Variants in TENM3 observed in about 807,000 individuals in gnomAD.
The protein encoded by TENM3 is teneurin-3.
A neutral mutation model predicts 255.1 loss-of-function variants in TENM3; 63 were observed. The observed-to-expected ratio is 0.25, with a 90% CI of 0.20 to 0.30. The LOEUF (loss-of-function observed/expected upper bound fraction) is 0.30, where lower values mean the gene tolerates loss of function less well. TENM3 is among the 10% of genes least tolerant of loss of function. The pLI, the probability that TENM3 is intolerant of heterozygous loss-of-function variation, is 1.00. For synonymous variants in TENM3, 1,306 were observed against 1,322.3 expected (o/e 0.99, Z 0.27); for missense variants, 2,929 against 3,461.1 (o/e 0.85, Z 3.86).
chr4:182,524,034 C>A (rs1738865777), intron 3 of TENM3, among the ~76,000 whole-genome samples: 1 of 152,112 alleles, frequency 6.6e-6, no homozygotes, highest in South Asian at 2.1e-4. Flanking sequence ...ACATTTCATG[C>A]AGTCCCTTTC....
chr4:182,602,989 C>G (rs978960761), intron 4 of TENM3, among the ~76,000 whole-genome samples: 3 of 152,094 alleles, frequency 2.0e-5, no homozygotes, highest in African/African-American at 7.2e-5. Context: ...ACACAAAAGC[C>G]TCAAAAACTG....
At chr4:181,620,681 A>G in the TENM3 span, among the ~76,000 whole-genome samples, 2 of 151,820 alleles carry the variant, frequency 1.3e-5, no homozygotes, top group Non-Finnish European at 2.9e-5. Flanking sequence ...AAAAAAAGAA[A>G]AAGAGGAGGA....
At chr4:182,487,372 A>G (rs905101071) in intron 3 of TENM3, among the ~76,000 whole-genome samples, 2 of 152,234 alleles carry the variant, frequency 1.3e-5, no homozygotes, top group African/African-American at 4.8e-5. Flanking sequence ...GTATTTAACT[A>G]TCGCATATCA....
the TENM3 span, among the ~76,000 whole-genome samples, chr4:181,907,590 G>A: frequency 1.3e-5 from 2 of 152,062 alleles, no homozygotes; most frequent in African/African-American, 4.8e-5. Flanking sequence ...ACGTGGAGAA[G>A]GGAAGAGGGA....
chr4:181,504,580 A>C, the TENM3 span, among the ~76,000 whole-genome samples: 1 of 152,088 alleles, frequency 6.6e-6, no homozygotes, highest in Non-Finnish European at 1.5e-5. Context: ...TCCCTTCTCA[A>C]GACCCAGAAT....
the TENM3 span, among the ~76,000 whole-genome samples, chr4:181,773,314 C>A: frequency 6.6e-6 from 1 of 152,144 alleles, no homozygotes; most frequent in Non-Finnish European, 1.5e-5. Context: ...CGGTCAATAG[C>A]AGCACGAAAG....
At chr4:182,383,853 C>G (rs1767730239) in intron 3 of TENM3, among the ~76,000 whole-genome samples, 1 of 152,168 alleles carries the variant, frequency 6.6e-6, no homozygotes, top group Non-Finnish European at 1.5e-5. Context: ...TAAGGCTGCA[C>G]ACTTACAACC....
At chr4:182,399,299 T>TC (rs1289420400) in intron 3 of TENM3, among the ~76,000 whole-genome samples, 40 of 151,726 alleles carry the variant, frequency 2.6e-4, no homozygotes, top group Admixed American at 7.2e-4. Context: ...CTTTTTTTTT[T>TC]CATCTTTAAA....
chr4:182,440,491 T>C (rs1028941152), intron 3 of TENM3, among the ~76,000 whole-genome samples: 1 of 152,120 alleles, frequency 6.6e-6, no homozygotes, highest in Non-Finnish European at 1.5e-5. Context: ...ATTTGTCTTA[T>C]CATAGAGCTT....
intron 3 of TENM3, among the ~76,000 whole-genome samples, chr4:182,538,884 G>T (rs769310842): frequency 6.6e-6 from 1 of 151,958 alleles, no homozygotes; most frequent in Non-Finnish European, 1.5e-5. Context: ...AGGTTTGGGG[G>T]CTGAGGAAAG....
At chr4:182,365,646 A>T (rs2150817324) in intron 3 of TENM3, among the ~76,000 whole-genome samples, 1 of 152,346 alleles carries the variant, frequency 6.6e-6, no homozygotes, top group Middle Eastern at 3.4e-3. Context: ...AAAGCAGGCG[A>T]TAAATAGCAC....
At chr4:182,776,374 T>A (rs989914900) in intron 24 of TENM3, among the ~76,000 whole-genome samples, 4 of 152,154 alleles carry the variant, frequency 2.6e-5, no homozygotes, top group African/African-American at 9.7e-5. Context: ...ATCGCGCCAC[T>A]ACACTCCAGC....
chr4:181,514,476 T>A, the TENM3 span, among the ~76,000 whole-genome samples: 2 of 152,254 alleles, frequency 1.3e-5, no homozygotes, highest in Non-Finnish European at 2.9e-5. Flanking sequence ...CAGTAGCAGA[T>A]AATTACATTT....
chr4:182,141,533 C>A (rs1451635175), upstream of TENM3: 2 of 152,192 alleles, frequency 1.3e-5, no homozygotes, highest in African/African-American at 4.8e-5. Flanking sequence ...ACGTAAGCTG[C>A]CTGGATTACA....
At chr4:182,528,225 C>A (rs893859287) in intron 3 of TENM3, among the ~76,000 whole-genome samples, 1 of 152,190 alleles carries the variant, frequency 6.6e-6, no homozygotes, top group Non-Finnish European at 1.5e-5. Context: ...TCAAGCAACT[C>A]TCCTGCCTCA....
At chr4:181,689,125 C>T in the TENM3 span, among the ~76,000 whole-genome samples, 3 of 152,188 alleles carry the variant, frequency 2.0e-5, no homozygotes, top group Admixed American at 1.3e-4. Context: ...AGAATGCAGG[C>T]GATGACGCCG....
chr4:182,215,729 TTACTCACACCTGGCACATG>T (rs1490456462), intron 1 of TENM3, among the ~76,000 whole-genome samples: 2 of 152,152 alleles, frequency 1.3e-5, no homozygotes, highest in East Asian at 3.9e-4. Context: ...ACGGGTCTTT[TTACTCACACCTGGCACATG>T]TCAACAGAAT....
intron 4 of TENM3, among the ~76,000 whole-genome samples, chr4:182,626,350 C>A (rs529319653): frequency 1.3e-5 from 2 of 152,240 alleles, no homozygotes; most frequent in African/African-American, 4.8e-5. Flanking sequence ...TCAAATTATA[C>A]TTTTTTGGTC....
chr4:181,953,169 T>C, the TENM3 span, among the ~76,000 whole-genome samples: 1 of 152,210 alleles, frequency 6.6e-6, no homozygotes, highest in East Asian at 1.9e-4. Context: ...CCTAAGTGCT[T>C]TCTATATGCT....
Sources: gnomAD v4.1 joint callset for allele counts (sites outside exome capture counted in the v4.1 genomes callset) on GRCh38, gnomAD v4.1.1 for gene constraint, MANE v1.5 for transcripts, NCBI Gene and HGNC (gene_info 2026-07-23, HGNC 2026-07-21) for gene names.